Variants in SCML4 observed in about 807,000 individuals in gnomAD.
The protein encoded by SCML4 is Scm polycomb group protein like 4, also known as sex comb on midleg-like protein 4.
Under a neutral mutation model 41.1 loss-of-function variants are expected in SCML4, and 34 were observed. The observed-to-expected ratio is 0.83, with a 90% CI of 0.63 to 1.10. SCML4 has a LOEUF of 1.10. SCML4 is among the 50% of genes least tolerant of loss of function. The probability of loss-of-function intolerance (pLI) is 0.00; values close to 1 mark genes in which losing one functional copy is unlikely to be tolerated. For synonymous variants in SCML4, 214 were observed against 220.9 expected, an observed-to-expected ratio of 0.97 and a Z score of 0.28; for missense variants, 522 against 534.1, an observed-to-expected ratio of 0.98 and a Z score of 0.22.
chr6:107,807,301 C>T (rs1168563872), intron 1 of SCML4, among the ~76,000 whole-genome samples: 1 of 152,140 alleles, frequency 6.6e-6, no homozygotes, highest in Non-Finnish European at 1.5e-5. Context: ...AGCTGAGTAG[C>T]TAATTGCTGT....
chr6:107,833,860 C>T, the SCML4 span, among the ~76,000 whole-genome samples: 5 of 152,294 alleles, frequency 3.3e-5, no homozygotes, highest in South Asian at 1.0e-3. Context: ...AGCTCAACCC[C>T]GTTGTGCTTC....
intron 1 of SCML4, among the ~76,000 whole-genome samples, chr6:107,804,337 G>A (rs1328100347): frequency 6.6e-6 from 1 of 152,126 alleles, no homozygotes; most frequent in Non-Finnish European, 1.5e-5. Context: ...GATGCCCATA[G>A]TTACTGGAGG....
At chr6:107,795,123 T>G (rs1467575166) in intron 1 of SCML4, among the ~76,000 whole-genome samples, 1 of 152,246 alleles carries the variant, frequency 6.6e-6, no homozygotes, top group Non-Finnish European at 1.5e-5. Flanking sequence ...TATTCAACCC[T>G]GTACAAATAG....
upstream of SCML4, among the ~76,000 whole-genome samples, chr6:107,826,545 T>C (rs1407970072): frequency 6.6e-6 from 1 of 152,132 alleles, no homozygotes; most frequent in Non-Finnish European, 1.5e-5. Context: ...CTCCAAGTCC[T>C]GTAAAAGAAG....
intron 5 of SCML4, among the ~76,000 whole-genome samples, chr6:107,723,744 C>A (rs1209808907): frequency 1.3e-5 from 2 of 152,158 alleles, no homozygotes; most frequent in Non-Finnish European, 2.9e-5. Flanking sequence ...AATACTAATT[C>A]TTTACAAATT....
At chr6:107,730,493 G>A (rs1300082503) in intron 5 of SCML4, among the ~76,000 whole-genome samples, 3 of 152,202 alleles carry the variant, frequency 2.0e-5, no homozygotes. Flanking sequence ...CAAGGTAAAT[G>A]AGTGGCTTTT....
chr6:107,712,300 C>T lies in SCML4; in HGVS notation c.974-4289G>A, dbSNP rs1774295782. ...CAGAGCAGAGGTCAAATCTAATTTC[C>T]TGCATTTGACAGGAAGGGGGGAAAA... On this transcript the variant is annotated intron_variant, in intron 6 of 7. Transcript: ENST00000369020. Among the ~76,000 whole-genome samples the T allele has an allele frequency of 2.0e-5, 3 of 152,158 alleles. No individual in the cohort carries two copies. In the South Asian group the frequency reaches 6.2e-4, roughly 32 times the overall value.
At chr6:107,760,843 A>G (rs1276840184) in intron 2 of SCML4, among the ~76,000 whole-genome samples, 1 of 152,078 alleles carries the variant, frequency 6.6e-6, no homozygotes, top group Admixed American at 6.6e-5. Context: ...GTATAAAGAT[A>G]TAAAGGACAA....
Position 107,744,935 on chromosome 6 carries a change from A to T in SCML4, c.682+14T>A, listed in dbSNP as rs1407824752. The T allele has an allele frequency of 2.6e-6, 4 of 1,565,196 alleles. No individual in the cohort carries two copies. Among genetic ancestry groups the T allele is most frequent in the African/African-American group, 1.4e-5 (1 of 73,250 alleles). ...AGGTGTCCCTGCAGGTGGGGGAAGC[A>T]GGACAAGGCCTACCTGATTCCATCC... On this transcript the variant is annotated intron_variant, in intron 5 of 7. Transcript: ENST00000369020.
At chr6:107,803,611 G>T (rs1002745703) in intron 1 of SCML4, among the ~76,000 whole-genome samples, 3 of 145,052 alleles carry the variant, frequency 2.1e-5, no homozygotes, top group Non-Finnish European at 4.5e-5. Context: ...ATAGAAACGG[G>T]GGAAAGGTGG....
At chr6:107,763,904 C>T (rs140963206) in intron 2 of SCML4, among the ~76,000 whole-genome samples, 9 of 152,272 alleles carry the variant, frequency 5.9e-5, no homozygotes, top group African/African-American at 1.2e-4. Context: ...TATGGCAGCC[C>T]GAGCTAAGAC....
At chr6:107,765,665 T>C (rs910567223) in intron 2 of SCML4, among the ~76,000 whole-genome samples, 4 of 152,130 alleles carry the variant, frequency 2.6e-5, no homozygotes, top group African/African-American at 9.7e-5. Context: ...AAAAGTTTAT[T>C]AAAAACAAAA....
In SCML4 at chr6:107,705,317, A is replaced by G. The variant is rs1773497267; in HGVS notation, c.1128T>C (p.Asp376=). ...HVELFRKHEI[D]GNALLLLKSD... Reference sequence around the variant, plus strand: ...TCTTCAGCAACAGCAGAGCGTTGCCATCAATCTCCTGGTGGGATAGGATCA... The same window carrying G: ...TCTTCAGCAACAGCAGAGCGTTGCCGTCAATCTCCTGGTGGGATAGGATCA... The change falls in exon 8 of 8, where the codon GAT becomes GAC. Residue 376 remains aspartate (D), a synonymous_variant. Transcript: ENST00000369020. 7.7e-6 allele frequency: 12 copies of G among 1,551,838 alleles called. No homozygotes were observed. The highest frequency in any genetic ancestry group is 1.0e-5 in the Non-Finnish European group (12 of 1,146,868).
At position 107,808,482 on chromosome 6, in the gene SCML4, G is replaced by A. The variant is rs1050791506; in HGVS notation, c.-60+15644C>T. Among the ~76,000 whole-genome samples the A allele has an allele frequency of 1.5e-4, 23 of 152,130 alleles. No homozygotes were observed. The South Asian group carries it at 4.4e-3, about 29-fold the overall frequency. ...GATGGGGGTCTCACCATATTGCCCAGGCTGGTCTCAAACTCCTGGCCTCAA... is the reference window on the plus strand; with the variant it reads ...GATGGGGGTCTCACCATATTGCCCAAGCTGGTCTCAAACTCCTGGCCTCAA... On this transcript the variant is annotated intron_variant, in intron 1 of 7. Transcript: ENST00000369020.
At chr6:107,843,809 A>G in the SCML4 span, among the ~76,000 whole-genome samples, 1 of 152,104 alleles carries the variant, frequency 6.6e-6, no homozygotes, top group South Asian at 2.1e-4. Flanking sequence ...TTTGCCACAC[A>G]CTGGTGTTCA....
At chr6:107,763,192 T>C (rs961577092) in intron 2 of SCML4, among the ~76,000 whole-genome samples, 2 of 151,996 alleles carry the variant, frequency 1.3e-5, no homozygotes, top group East Asian at 3.9e-4. Context: ...TAGATTTTTG[T>C]TTTTTTAATT....
intron 5 of SCML4, among the ~76,000 whole-genome samples, chr6:107,730,686 T>C (rs1776448903): frequency 6.6e-6 from 1 of 152,228 alleles, no homozygotes; most frequent in Non-Finnish European, 1.5e-5. Flanking sequence ...TTTTCAAGGT[T>C]TGGCGTCCTG....
intron 5 of SCML4, among the ~76,000 whole-genome samples, chr6:107,731,490 C>T (rs926132204): frequency 7.9e-5 from 12 of 152,156 alleles, no homozygotes; most frequent in African/African-American, 2.2e-4. Flanking sequence ...TCTCTCTCAC[C>T]CCCCACTTCC....
At chr6:107,840,181 T>G in the SCML4 span, among the ~76,000 whole-genome samples, 2 of 151,874 alleles carry the variant, frequency 1.3e-5, no homozygotes, top group Non-Finnish European at 2.9e-5. Context: ...ACTCAATAAA[T>G]GTTTGTGAAA....
Sources: gnomAD v4.1 joint callset for allele counts (sites outside exome capture counted in the v4.1 genomes callset) on GRCh38, gnomAD v4.1.1 for gene constraint, MANE v1.5 for transcripts, NCBI Gene and HGNC (gene_info 2026-07-23, HGNC 2026-07-21) for gene names.